The following SLC39A11 variants were observed in gnomAD, a reference collection of about 807,000 sequenced individuals.
The protein encoded by SLC39A11 is solute carrier family 39 member 11, also known as zinc transporter ZIP11.
In SLC39A11, 33 loss-of-function variants were observed where a neutral mutation model predicts 36.1. The ratio of observed to expected loss-of-function variants is 0.91; its 90% CI spans 0.69 to 1.22. SLC39A11 has a LOEUF of 1.22. SLC39A11 is among the 50% of genes most tolerant of loss of function. The pLI, the probability that SLC39A11 is intolerant of heterozygous loss-of-function variation, is 0.00. For missense variants in SLC39A11, 432 were observed against 430.3 expected (o/e 1.00, Z -0.03); for synonymous variants, 166 against 170.3 (o/e 0.97, Z 0.20).
At chr17:72,854,362 A>G (rs2079531913) in intron 5 of SLC39A11, among the ~76,000 whole-genome samples, 1 of 152,026 alleles carries the variant, frequency 6.6e-6, no homozygotes, top group African/African-American at 2.4e-5. Context: ...TTGCTTGCCA[A>G]AAAAGGTAGT....
chr17:72,646,057 C>T lies in SLC39A11; in HGVS notation c.*1527G>A, dbSNP rs993755225. ...TACATACAAAGACATAAAAATAAAA[C>T]ATACATACACCAACCACCACACCAG... On this transcript the variant is annotated 3_prime_UTR_variant, in exon 10 of 10. Coordinates refer to ENST00000255559, the MANE Select transcript of SLC39A11 (RefSeq NM_139177.4). 1.3e-5 allele frequency: 2 copies of T among 152,652 alleles called. No homozygotes were observed. The highest frequency in any genetic ancestry group is 4.8e-5 in the African/African-American group (2 of 41,456). The allele number at this position is 152,652 out of a possible 1,614,324, so 9.5% of individuals were successfully genotyped here.
In SLC39A11 at chr17:72,729,478, T is replaced by TG. The variant is rs1555650679; in HGVS notation, c.671+7171dup. Among the ~76,000 whole-genome samples, 151 of 72,832 alleles carry TG rather than the reference T, an allele frequency of 2.1e-3. 8 individuals are homozygous for TG. Among genetic ancestry groups the TG allele is most frequent in the African/African-American group, 2.3e-3 (42 of 18,298 alleles). The allele number at this position is 72,832 out of a possible 152,430, so 47.8% of individuals were successfully genotyped here. A position where few individuals can be genotyped will look rare whatever the true frequency, so the allele number is the denominator to read the frequency against. ...ATATATTTTTTTTTTTTTTTTTTTT[T>TG]GTAGAGACAGGGTTTCATCATGTTG... On this transcript the variant is annotated intron_variant, in intron 7 of 9. Coordinates refer to ENST00000255559, the MANE Select transcript of SLC39A11 (RefSeq NM_139177.4).
intron 7 of SLC39A11, among the ~76,000 whole-genome samples, chr17:72,672,028 C>T (rs993217913): frequency 2.0e-5 from 3 of 151,800 alleles, no homozygotes; most frequent in South Asian, 2.1e-4. Flanking sequence ...ATGTTCTCAT[C>T]ATACACATAC....
At chr17:73,070,097 A>G (rs538981502) in intron 3 of SLC39A11, among the ~76,000 whole-genome samples, 1 of 152,296 alleles carries the variant, frequency 6.6e-6, no homozygotes, top group South Asian at 2.1e-4. Flanking sequence ...CTGTGCATCA[A>G]GAGAGAATTC....
intron 3 of SLC39A11, among the ~76,000 whole-genome samples, chr17:73,039,710 G>A (rs2059045833): frequency 6.6e-6 from 1 of 152,104 alleles, no homozygotes; most frequent in South Asian, 2.1e-4. Context: ...TGTGGAAAAG[G>A]GCCAACGCAG....
chr17:72,987,293 T>G (rs1230793648), intron 4 of SLC39A11, among the ~76,000 whole-genome samples: 3 of 152,214 alleles, frequency 2.0e-5, no homozygotes, highest in African/African-American at 7.2e-5. Context: ...ATAAACCTAT[T>G]GTCTGTAAAT....
intron 3 of SLC39A11, among the ~76,000 whole-genome samples, chr17:73,043,034 TATA>T (rs1438993051): frequency 6.6e-6 from 1 of 152,076 alleles, no homozygotes; most frequent in African/African-American, 2.4e-5. Context: ...GGCTCTGGAC[TATA>T]ATAAGAGAGG....
At chr17:72,734,690 A>G (rs2074351706) in intron 7 of SLC39A11, among the ~76,000 whole-genome samples, 1 of 152,244 alleles carries the variant, frequency 6.6e-6, no homozygotes, top group Admixed American at 6.5e-5. Flanking sequence ...ACAGAAGAAC[A>G]TCGGAGTTGA....
intron 5 of SLC39A11, among the ~76,000 whole-genome samples, chr17:72,923,776 G>A (rs182825946): frequency 2.4e-4 from 36 of 151,922 alleles, no homozygotes; most frequent in African/African-American, 4.3e-4. Flanking sequence ...GGATTGAGGC[G>A]GGAAAAAAAG....
At chr17:73,083,574 AACTAATC>A (rs1309770762) in intron 3 of SLC39A11, among the ~76,000 whole-genome samples, 2 of 152,156 alleles carry the variant, frequency 1.3e-5, no homozygotes, top group Non-Finnish European at 2.9e-5. Context: ...ATGGAATCTG[AACTAATC>A]AAGACTCCAG....
intron 5 of SLC39A11, among the ~76,000 whole-genome samples, chr17:72,856,583 G>A (rs142642263): frequency 1.3e-5 from 2 of 151,878 alleles, no homozygotes; most frequent in East Asian, 3.9e-4. Flanking sequence ...ACATTATAGG[G>A]CTTTAAAAAA....
At chr17:72,974,270 T>C (rs2087673797) in intron 4 of SLC39A11, among the ~76,000 whole-genome samples, 1 of 152,012 alleles carries the variant, frequency 6.6e-6, no homozygotes, top group South Asian at 2.1e-4. Context: ...TGGCTAATTT[T>C]TGTAATTTTA....
intron 7 of SLC39A11, among the ~76,000 whole-genome samples, chr17:72,669,121 C>T (rs8080530): frequency 6.6e-6 from 1 of 152,066 alleles, no homozygotes; most frequent in Non-Finnish European, 1.5e-5. Flanking sequence ...GATGGGATAA[C>T]CATATTGTAG....
At position 73,047,990 on chromosome 17, in the gene SLC39A11, A is replaced by AATATATATAT. The variant is rs151142811; in HGVS notation, c.148-16286_148-16277dup. Among the ~76,000 whole-genome samples, 56 of 58,658 alleles carry AATATATATAT rather than the reference A, an allele frequency of 9.5e-4. 1 individual carries two copies. The highest frequency in any genetic ancestry group is 1.1e-3 in the African/African-American group (17 of 15,228). The allele number at this position is 58,658 out of a possible 152,430, so 38.5% of individuals were successfully genotyped here. A position where few individuals can be genotyped will look rare whatever the true frequency, so the allele number is the denominator to read the frequency against. The stretch of plus-strand genomic sequence containing the variant: ...TCAAAAAAAAAAAAAAAAAAAAAAA[A>AATATATATAT]ATATATATATATATATATATATATA... On this transcript the variant is annotated intron_variant, in intron 3 of 9. Transcript: ENST00000255559.
intron 4 of SLC39A11, among the ~76,000 whole-genome samples, chr17:72,965,541 C>T (rs1031133812): frequency 6.6e-6 from 1 of 152,180 alleles, no homozygotes; most frequent in African/African-American, 2.4e-5. Context: ...GATGATTTTG[C>T]CCAACTGCAG....
At chr17:72,788,356 G>A (rs79655195) in intron 6 of SLC39A11, among the ~76,000 whole-genome samples, 5,394 of 152,248 alleles carry the variant, frequency 0.035, 284 homozygotes, top group African/African-American at 0.12. Flanking sequence ...AGTTTTCTCT[G>A]ATGATCTTTC....
intron 6 of SLC39A11, among the ~76,000 whole-genome samples, chr17:72,790,058 G>A (rs570130181): frequency 7.2e-5 from 11 of 152,198 alleles, no homozygotes; most frequent in Non-Finnish European, 1.5e-4. Context: ...TAGCAGCACT[G>A]TATGCAAGGG....
chr17:72,959,582 G>A (rs1385978826), intron 4 of SLC39A11, among the ~76,000 whole-genome samples: 2 of 151,694 alleles, frequency 1.3e-5, no homozygotes, highest in African/African-American at 4.8e-5. Flanking sequence ...GGGTGGCAGA[G>A]GGAGGAGGGA....
At chr17:73,013,925 C>T (rs778941740) in intron 4 of SLC39A11, among the ~76,000 whole-genome samples, 3 of 152,048 alleles carry the variant, frequency 2.0e-5, no homozygotes, top group African/African-American at 7.2e-5. Context: ...AGAGGCCCAG[C>T]GATTTGATGG....
Sources: allele counts gnomAD v4.1 joint callset (sites outside exome capture counted in the v4.1 genomes callset), GRCh38; gene constraint gnomAD v4.1.1; transcripts MANE v1.5; gene names NCBI Gene and HGNC (gene_info 2026-07-23, HGNC 2026-07-21).